Variants in STARD13 observed in about 807,000 individuals in gnomAD.
The protein encoded by STARD13 is stAR-related lipid transfer protein 13.
Under a neutral mutation model 106.4 loss-of-function variants are expected in STARD13, and 62 were observed. That is an observed-to-expected ratio of 0.58 (90% CI 0.48 to 0.72). The LOEUF is 0.72. Ranked by LOEUF, STARD13 falls within the 30% of genes least tolerant of loss-of-function variation. STARD13 has a pLI of 0.00. For synonymous variants in STARD13, 565 were observed against 553.0 expected (o/e 1.02, Z -0.31); for missense variants, 1,387 against 1,424.0 (o/e 0.97, Z 0.42).
At chr13:33,637,749 T>G in the STARD13 span, among the ~76,000 whole-genome samples, 1 of 152,208 alleles carries the variant, frequency 6.6e-6, no homozygotes, top group Non-Finnish European at 1.5e-5. Context: ...TCTAATCAAC[T>G]CACACATTTT....
intron 1 of STARD13, among the ~76,000 whole-genome samples, chr13:33,314,102 G>C (rs1003824582): frequency 2.8e-4 from 42 of 152,264 alleles, no homozygotes; most frequent in Admixed American, 1.5e-3. Flanking sequence ...GCTAGATGTG[G>C]CATAGTTAAC....
At chr13:33,518,047 C>T in the STARD13 span, among the ~76,000 whole-genome samples, 1 of 151,770 alleles carries the variant, frequency 6.6e-6, no homozygotes, top group South Asian at 2.1e-4. Flanking sequence ...AATCTTGAAG[C>T]TTTTAGGGAA....
At chr13:33,659,435 C>T in the STARD13 span, among the ~76,000 whole-genome samples, 2 of 152,208 alleles carry the variant, frequency 1.3e-5, no homozygotes, top group East Asian at 1.9e-4. Flanking sequence ...AGGATGGTCT[C>T]AATCTCCTGA....
chr13:33,160,907 A>T lies in STARD13; in HGVS notation c.323+4430T>A, dbSNP rs187491568. Among the ~76,000 whole-genome samples, 4 of 152,356 alleles carry T rather than the reference A, an allele frequency of 2.6e-5. No homozygotes were observed. The East Asian group carries it at 7.7e-4, about 29-fold the overall frequency. On this transcript the variant is annotated intron_variant, in intron 3 of 13. Transcript: ENST00000336934. Reference sequence around the variant, plus strand: ...CTTATCATATAGAGCCCACGATCCCATTCCTAGGATTTTACATCAAAGAAA... The same window carrying T: ...CTTATCATATAGAGCCCACGATCCCTTTCCTAGGATTTTACATCAAAGAAA...
At chr13:33,169,630 C>T (rs1031911764) in intron 1 of STARD13, among the ~76,000 whole-genome samples, 4 of 152,208 alleles carry the variant, frequency 2.6e-5, no homozygotes, top group South Asian at 4.1e-4. Flanking sequence ...GAATCCTATG[C>T]CTTTTTCTGT....
At chr13:33,111,986 A>G (rs1283451307) in intron 9 of STARD13, 94 bp from the exon 10 acceptor site, 2 of 748,028 alleles carry the variant, frequency 2.7e-6, no homozygotes, top group Non-Finnish European at 4.7e-6. Context: ...TTATACCCAG[A>G]TGCTATCCAG....
chr13:33,106,576 G>A (rs1873735779), intron 13 of STARD13, among the ~76,000 whole-genome samples, 182 bp downstream of exon 13: 2 of 152,160 alleles, frequency 1.3e-5, no homozygotes, highest in African/African-American at 4.8e-5. Context: ...AGAAATGTCA[G>A]AATTTCAGGA....
Position 33,165,355 on chromosome 13 carries a change from AG to A in STARD13, c.304del (p.Val103Ter). ...GGTTTACCTGCAAAGAGGTTCTACA[AG>A]GTCCTTTTCAAGAAAATCATGATCA... ...KNDHDFLEKD[L>X]VEPLCRRLNT... On this transcript the variant is annotated frameshift_variant, in exon 3 of 14. Transcript: ENST00000336934. LOFTEE classifies it high-confidence loss of function. The A allele has an allele frequency of 6.2e-7, 1 of 1,613,500 alleles. No individual in the cohort carries two copies. The highest frequency in any genetic ancestry group is 1.7e-5 in the Admixed American group (1 of 60,016).
At chr13:33,305,085 T>C (rs554425803) in intron 1 of STARD13, among the ~76,000 whole-genome samples, 1 of 152,306 alleles carries the variant, frequency 6.6e-6, no homozygotes, top group Admixed American at 6.5e-5. Context: ...AGAGATGAGG[T>C]CTCATTATGT....
chr13:33,198,671 C>T (rs772867449), intron 1 of STARD13, among the ~76,000 whole-genome samples: 2 of 152,120 alleles, frequency 1.3e-5, no homozygotes, highest in Non-Finnish European at 2.9e-5. Context: ...ATGAGCCCCA[C>T]GAGTCAGGAA....
At chr13:33,396,236 T>A in the STARD13 span, among the ~76,000 whole-genome samples, 1 of 152,212 alleles carries the variant, frequency 6.6e-6, no homozygotes, top group African/African-American at 2.4e-5. Context: ...GCTTAAGTGA[T>A]CCTCCTGCCT....
At chr13:33,222,864 T>C (rs1013110817) in intron 1 of STARD13, among the ~76,000 whole-genome samples, 5 of 152,244 alleles carry the variant, frequency 3.3e-5, no homozygotes, top group African/African-American at 1.2e-4. Context: ...AGAAGAAACA[T>C]GTCCTCGTGA....
the STARD13 span, among the ~76,000 whole-genome samples, chr13:33,664,456 G>A: frequency 2.0e-5 from 3 of 152,168 alleles, no homozygotes; most frequent in Non-Finnish European, 4.4e-5. Flanking sequence ...TGGACTTGGT[G>A]AAAACACCTT....
the STARD13 span, among the ~76,000 whole-genome samples, chr13:33,368,281 G>A: frequency 6.6e-6 from 1 of 152,168 alleles, no homozygotes; most frequent in Non-Finnish European, 1.5e-5. Flanking sequence ...TGGTACTCCT[G>A]AGAATCGTAG....
intron 12 of STARD13, among the ~76,000 whole-genome samples, chr13:33,109,180 T>C (rs1874167598): frequency 6.6e-6 from 1 of 152,242 alleles, no homozygotes; most frequent in South Asian, 2.1e-4. Flanking sequence ...ATTGATCTAA[T>C]TACCTTCTAT....
chr13:33,151,046 T>C (rs1165722422), intron 3 of STARD13, among the ~76,000 whole-genome samples: 5 of 152,050 alleles, frequency 3.3e-5, no homozygotes, highest in East Asian at 3.9e-4. Context: ...TCTGAGAGCA[T>C]AGGGACAACG....
At chr13:33,450,598 T>C in the STARD13 span, among the ~76,000 whole-genome samples, 1 of 152,344 alleles carries the variant, frequency 6.6e-6, no homozygotes, top group Non-Finnish European at 1.5e-5. Flanking sequence ...AGAAGACAGC[T>C]CTATAACAAA....
At chr13:33,628,172 CA>C in the STARD13 span, among the ~76,000 whole-genome samples, 1 of 151,456 alleles carries the variant, frequency 6.6e-6, no homozygotes, top group African/African-American at 2.4e-5. Context: ...CACACACACA[CA>C]CACACACACA....
intron 1 of STARD13, among the ~76,000 whole-genome samples, chr13:33,254,163 C>T (rs1281527848): frequency 6.6e-6 from 1 of 152,168 alleles, no homozygotes; most frequent in Non-Finnish European, 1.5e-5. Flanking sequence ...GGACACTAGG[C>T]TGATGGGGTA....
Sources: gnomAD v4.1 joint callset for allele counts (sites outside exome capture counted in the v4.1 genomes callset) on GRCh38, gnomAD v4.1.1 for gene constraint, MANE v1.5 for transcripts, NCBI Gene and HGNC (gene_info 2026-07-23, HGNC 2026-07-21) for gene names.